The following MCPH1 variants were observed in gnomAD, a reference collection of about 807,000 sequenced individuals.
MCPH1 encodes microcephalin.
MCPH1 carries 104 observed loss-of-function variants against 84.5 expected under a neutral mutation model. That is an observed-to-expected ratio of 1.23 (90% CI 1.05 to 1.45). The LOEUF (loss-of-function observed/expected upper bound fraction) is 1.45. Among genes scored for constraint, MCPH1 ranks in the 40% most tolerant of loss-of-function variants. MCPH1 has a pLI of 0.00. For missense variants in MCPH1, 1,498 were observed against 1,005.7 expected, an observed-to-expected ratio of 1.49 and a Z score of -6.62; for synonymous variants, 514 against 366.8, an observed-to-expected ratio of 1.40 and a Z score of -4.58.
At chr8:6,552,977 A>C (rs1823925179) in intron 12 of MCPH1, among the ~76,000 whole-genome samples, 1 of 152,214 alleles carries the variant, frequency 6.6e-6, no homozygotes, top group African/African-American at 2.4e-5. Flanking sequence ...GTGCAGGTAG[A>C]GCACAGAGGA....
intron 3 of MCPH1, among the ~76,000 whole-genome samples, chr8:6,428,345 A>C (rs1317945938): frequency 2.0e-5 from 3 of 152,086 alleles, no homozygotes; most frequent in Non-Finnish European, 4.4e-5. Flanking sequence ...GGCGATAGGA[A>C]TTTTTCAGCT....
chr8:6,607,415 C>G (rs1279317371), intron 12 of MCPH1, among the ~76,000 whole-genome samples: 1 of 152,206 alleles, frequency 6.6e-6, no homozygotes, highest in Non-Finnish European at 1.5e-5. Context: ...CTTGTGATAA[C>G]TCCTGAGTCA....
chr8:6,616,219 T>C (rs1175737301), intron 12 of MCPH1: 1 of 152,194 alleles, frequency 6.6e-6, no homozygotes, highest in Non-Finnish European at 1.5e-5. Context: ...AAGTGCATCT[T>C]AAGACAGTTA....
At chr8:6,436,494 C>G (rs1388949400) in intron 5 of MCPH1, among the ~76,000 whole-genome samples, 1 of 151,998 alleles carries the variant, frequency 6.6e-6, no homozygotes. Flanking sequence ...TTATATATAA[C>G]TTTGTATTTT....
At chr8:6,514,962 A>G (rs2916731) in intron 12 of MCPH1, among the ~76,000 whole-genome samples, 55,022 of 152,000 alleles carry the variant, frequency 0.36, 10,169 homozygotes, top group Middle Eastern at 0.49. Context: ...ATTGAAAGTG[A>G]TGGATTAAAA....
intron 3 of MCPH1, among the ~76,000 whole-genome samples, chr8:6,419,063 G>A (rs1395146920): frequency 6.6e-6 from 1 of 151,494 alleles, no homozygotes; most frequent in African/African-American, 2.4e-5. Context: ...TGTTTACGTT[G>A]GGCCTGCTTA....
chr8:6,433,630 CAA>C (rs60661127), intron 4 of MCPH1, among the ~76,000 whole-genome samples: 1,656 of 40,928 alleles, frequency 0.04, 42 homozygotes, highest in African/African-American at 0.12. Flanking sequence ...GGCTCTGTCT[CAA>C]AAAAAAAAAA....
chr8:6,466,126 TGGA>T (rs1305140579), intron 9 of MCPH1, among the ~76,000 whole-genome samples: 4 of 94,212 alleles, frequency 4.2e-5, no homozygotes, highest in Admixed American at 1.5e-4. Flanking sequence ...GGCTAATTTT[TGGA>T]TTTTTTTTTT....
chr8:6,586,781 TA>T (rs1828019713), intron 12 of MCPH1, among the ~76,000 whole-genome samples: 1 of 152,198 alleles, frequency 6.6e-6, no homozygotes, highest in Non-Finnish European at 1.5e-5. Flanking sequence ...TTGGTGAGAT[TA>T]AGCTGGTAGT....
chr8:6,479,904 AT>A (rs924740309), intron 10 of MCPH1, among the ~76,000 whole-genome samples: 2 of 152,246 alleles, frequency 1.3e-5, no homozygotes, highest in Admixed American at 1.3e-4. Context: ...CCCAGATTTG[AT>A]TTGATGATTT....
chr8:6,498,612 C>G (rs1006398997), intron 11 of MCPH1, among the ~76,000 whole-genome samples: 3 of 152,172 alleles, frequency 2.0e-5, no homozygotes, highest in Admixed American at 6.5e-5. Context: ...TATATTTGAA[C>G]TTGAATGCCG....
intron 13 of MCPH1, among the ~76,000 whole-genome samples, chr8:6,637,252 A>T (rs921995323): frequency 6.6e-6 from 1 of 152,216 alleles, no homozygotes; most frequent in African/African-American, 2.4e-5. Flanking sequence ...CAATTTCTTT[A>T]AAAATCCTTC....
At chr8:6,473,858 T>A in intron 9 of MCPH1, 1 of 1,477,690 alleles carries the variant, frequency 6.8e-7, no homozygotes, top group South Asian at 1.5e-5. Flanking sequence ...GTTATAATCT[T>A]TGATCCACTG....
chr8:6,620,766 CCT>C (rs1475148142), intron 12 of MCPH1, among the ~76,000 whole-genome samples: 1 of 152,140 alleles, frequency 6.6e-6, no homozygotes, highest in Non-Finnish European at 1.5e-5. Flanking sequence ...TTCCCGCGGT[CCT>C]CTGAGTCAAA....
chr8:6,439,006 C>G lies in MCPH1; in HGVS notation c.490C>G (p.Pro164Ala). The G allele has an allele frequency of 1.9e-6, 3 of 1,608,994 alleles. No homozygotes were observed. The highest frequency in any genetic ancestry group is 2.6e-6 in the Non-Finnish European group (3 of 1,175,660). ...ATCTAATGGTTCATTAATATATACTCCCACAATTGAAATTAATAGTAGGCA... is the reference window on the plus strand; with the variant it reads ...ATCTAATGGTTCATTAATATATACTGCCACAATTGAAATTAATAGTAGGCA... Reference protein sequence around the residue: ...FESNGSLIYTPTIEINSRHHS... With the variant: ...FESNGSLIYTATIEINSRHHS... Residue 164 changes from proline (P) to alanine (A), a missense_variant, in exon 6 of 14, where the codon CCC becomes GCC. Pro to Ala is a conservative substitution (Grantham distance 27, BLOSUM62 -1). Coordinates refer to ENST00000344683, the MANE Select transcript of MCPH1 (RefSeq NM_024596.5).
At chr8:6,424,166 A>T (rs1023247722) in intron 3 of MCPH1, among the ~76,000 whole-genome samples, 1 of 152,230 alleles carries the variant, frequency 6.6e-6, no homozygotes, top group Non-Finnish European at 1.5e-5. Context: ...TAAAATTCTG[A>T]CATTTCCTTT....
intron 9 of MCPH1, among the ~76,000 whole-genome samples, chr8:6,467,210 G>T (rs933609762): frequency 2.0e-5 from 3 of 152,158 alleles, no homozygotes; most frequent in African/African-American, 7.2e-5. Flanking sequence ...GTCTGTATAG[G>T]AAAAGAATAT....
At chr8:6,414,208 A>G (rs773212931) in intron 2 of MCPH1, among the ~76,000 whole-genome samples, 19 of 152,172 alleles carry the variant, frequency 1.2e-4, no homozygotes, top group Non-Finnish European at 2.4e-4. Flanking sequence ...AGGTTTCACC[A>G]GGTTGGCTAG....
At chr8:6,423,782 G>T (rs1339566777) in intron 3 of MCPH1, among the ~76,000 whole-genome samples, 1 of 152,176 alleles carries the variant, frequency 6.6e-6, no homozygotes, top group African/African-American at 2.4e-5. Flanking sequence ...CTTCTGGAAG[G>T]AGTGTACTGG....
Sources: gnomAD v4.1 joint callset for allele counts (sites outside exome capture counted in the v4.1 genomes callset) on GRCh38, gnomAD v4.1.1 for gene constraint, MANE v1.5 for transcripts, NCBI Gene and HGNC (gene_info 2026-07-23, HGNC 2026-07-21) for gene names.